Variants in DNAH10 observed in about 807,000 individuals in gnomAD.
DNAH10 encodes axonemal beta dynein heavy chain 10.
Under a neutral mutation model 506.6 loss-of-function variants are expected in DNAH10, and 348 were observed. That is an observed-to-expected ratio of 0.69 (90% CI 0.63 to 0.75). The LOEUF (loss-of-function observed/expected upper bound fraction) is 0.75. Among genes scored for constraint, DNAH10 ranks in the 30% least tolerant of loss-of-function variants. DNAH10 has a pLI of 0.00. For missense variants in DNAH10, 5,179 were observed against 5,787.1 expected (o/e 0.89, Z 3.41); for synonymous variants, 2,059 against 2,198.6 (o/e 0.94, Z 1.78).
chr12:123,861,159 G>C lies in DNAH10; in HGVS notation c.6897G>C (p.Lys2299Asn). ...IFREINKPTD[K>N]KERKYILFDG... ...GGGAAATCAACAAGCCAACAGACAA[G>C]AAGGAGCGAAAGTGAGTATCTTTGT... The change falls in exon 39 of 79, where the codon AAG becomes AAC. Residue 2299 changes from lysine to asparagine, a missense_variant. Physicochemically the swap from Lys to Asn is moderately conservative, Grantham distance 94. Transcript: ENST00000673944. The C allele has an allele frequency of 6.2e-7, 1 of 1,613,888 alleles. No homozygotes were observed. Among genetic ancestry groups the C allele is most frequent in the Non-Finnish European group, 8.5e-7 (1 of 1,179,872 alleles).
chr12:123,827,407 T>C (rs1316570209), intron 25 of DNAH10, among the ~76,000 whole-genome samples: 2 of 152,244 alleles, frequency 1.3e-5, no homozygotes, highest in Non-Finnish European at 2.9e-5. Context: ...GTGCAATGTG[T>C]ATTTTATATC....
At position 123,926,925 on chromosome 12, in the gene DNAH10, A is replaced by C; in HGVS notation, c.12105+105A>C. 1 of 1,266,934 alleles carries C rather than the reference A, an allele frequency of 7.9e-7. No individual in the cohort carries two copies. Among genetic ancestry groups the C allele is most frequent in the South Asian group, 1.4e-5 (1 of 72,432 alleles). The allele number at this position is 1,266,934 out of a possible 1,614,324, so 78.5% of individuals were successfully genotyped here. ...TAAGCTGAGTGCCACGCCACAAATC[A>C]GTTGGATGCATTTCCGAGCTAAGAA... On this transcript the variant is annotated intron_variant, in intron 69 of 78. Coordinates refer to ENST00000673944, the MANE Select transcript of DNAH10 (RefSeq NM_001372106.1). This position sits in a 1 kb window ranked among gnomAD's most constrained non-coding sequence, Gnocchi z 4.1.
Position 123,907,457 on chromosome 12 carries a change from C to G in DNAH10, c.9816-1804C>G, listed in dbSNP as rs79664523. Among the ~76,000 whole-genome samples, 2,714 of 152,282 alleles carry G rather than the reference C, an allele frequency of 0.018. 82 individuals are homozygous for G. The highest frequency in any genetic ancestry group is 0.061 in the African/African-American group (2,533 of 41,524). ...TCCCTTTCTCTTGACTTGCACCCTC[C>G]ACATTTCACACACCTTGGTCATCCG... On this transcript the variant is annotated intron_variant, in intron 57 of 78. Transcript: ENST00000673944. This position sits in a 1 kb window ranked among gnomAD's most constrained non-coding sequence, Gnocchi z 4.4.
intron 1 of DNAH10, among the ~76,000 whole-genome samples, chr12:123,767,315 C>T (rs1183664574): frequency 3.3e-5 from 5 of 152,168 alleles, no homozygotes; most frequent in Non-Finnish European, 7.4e-5. Flanking sequence ...GTGTTGTGCA[C>T]CCAGGAGCCT....
intron 6 of DNAH10, among the ~76,000 whole-genome samples, chr12:123,782,891 T>C (rs190274524): frequency 1.6e-4 from 24 of 152,332 alleles, no homozygotes; most frequent in African/African-American, 4.8e-4. Flanking sequence ...AACTAAATCA[T>C]TTTGATCAAG....
At chr12:123,835,982 A>G (rs1961093505) in intron 28 of DNAH10, among the ~76,000 whole-genome samples, 2 of 152,150 alleles carry the variant, frequency 1.3e-5, no homozygotes, top group South Asian at 4.1e-4. Context: ...TGTCTAGTAA[A>G]AATTCCCATT....
chr12:123,773,157 A>T (rs987375750), intron 4 of DNAH10, among the ~76,000 whole-genome samples: 23 of 152,272 alleles, frequency 1.5e-4, no homozygotes, highest in African/African-American at 5.3e-4. Context: ...AGCCAGTGAT[A>T]GTGCATGTCT....
At chr12:123,912,250 G>C (rs1477380711) in intron 59 of DNAH10, among the ~76,000 whole-genome samples, 1 of 26,108 alleles carries the variant, frequency 3.8e-5, no homozygotes, top group Non-Finnish European at 6.8e-5. Context: ...GTCTGTCCTG[G>C]GGCGGTCTGT....
chr12:123,885,700 A>G (rs1036203806), intron 51 of DNAH10, among the ~76,000 whole-genome samples: 7 of 152,194 alleles, frequency 4.6e-5, no homozygotes, highest in African/African-American at 1.4e-4. Context: ...ACCACAAAGG[A>G]TTATGCTAAT....
Position 123,929,657 on chromosome 12 carries a change from T to C in DNAH10, c.12517-7T>C, listed in dbSNP as rs1427361266. 9 of 1,611,742 alleles carry C rather than the reference T, an allele frequency of 5.6e-6. No homozygotes were observed. The highest frequency in any genetic ancestry group is 7.6e-6 in the Non-Finnish European group (9 of 1,178,894). On this transcript the variant is annotated splice_region_variant and splice_polypyrimidine_tract_variant and intron_variant, in intron 71 of 78. Transcript: ENST00000673944. ...CAGTATAACTGAGCGTGTTCTCTTC[T>C]TTCAAGGTCTGCATGGAAATTCTGA...
chr12:123,914,889 G>A lies in DNAH10; in HGVS notation c.10612G>A (p.Val3538Ile), dbSNP rs199619464. ...GGGCCTTCCCCCCGATGAGCTCTCC[G>A]TTCAGAATGGCATCCTCACCACCCG... ...SQGLPPDELS[V>I]QNGILTTRAS... The change falls in exon 62 of 79, where the codon GTT (valine) becomes ATT (isoleucine). Residue 3538 changes from valine (V) to isoleucine (I), a missense_variant. By Grantham distance (29) the Val-to-Ile change is conservative (BLOSUM62 3). This residue lies in a region of DNAH10 where 4,844 missense variants were observed against 5,430.5 expected (regional missense o/e 0.89). Coordinates refer to ENST00000673944, the MANE Select transcript of DNAH10 (RefSeq NM_001372106.1). The A allele has an allele frequency of 2.3e-4, 369 of 1,613,590 alleles. No individual in the cohort carries two copies. The highest frequency in any genetic ancestry group is 8.4e-4 in the African/African-American group (63 of 75,024).
At chr12:123,883,525 T>G (rs1033743588) in intron 51 of DNAH10, among the ~76,000 whole-genome samples, 6 of 152,226 alleles carry the variant, frequency 3.9e-5, no homozygotes, top group African/African-American at 1.4e-4. Context: ...TCTGACTTCT[T>G]TCACTATTAG....
chr12:123,832,058 G>A (rs1158661609), intron 26 of DNAH10, among the ~76,000 whole-genome samples: 1 of 152,182 alleles, frequency 6.6e-6, no homozygotes, highest in Admixed American at 6.5e-5. Flanking sequence ...GTATATGCAT[G>A]TAGACACATA....
intron 27 of DNAH10, among the ~76,000 whole-genome samples, chr12:123,835,044 G>A (rs1960989051): frequency 6.6e-6 from 1 of 152,200 alleles, no homozygotes; most frequent in Admixed American, 6.5e-5. Context: ...CCTAGGAGCG[G>A]AATTGCTGGG....
At position 123,916,475 on chromosome 12, in the gene DNAH10, C is replaced by T; in HGVS notation, c.10741C>T (p.Pro3581Ser). Residue 3581 changes from proline (P) to serine (S), a missense_variant, in exon 63 of 79, where the codon CCT becomes TCT. By Grantham distance (74) the Pro-to-Ser change is moderately conservative. Coordinates refer to ENST00000673944, the MANE Select transcript of DNAH10 (RefSeq NM_001372106.1). This position sits in a 1 kb window ranked among gnomAD's most constrained non-coding sequence, Gnocchi z 4.6. ...NNLRVASFND[P>S]DFLKQLEMSI... ...CTTCCAGGTCGCTTCCTTTAATGACCCTGACTTCCTCAAGCAGCTAGAGAT... is the reference window on the plus strand; with the variant it reads ...CTTCCAGGTCGCTTCCTTTAATGACTCTGACTTCCTCAAGCAGCTAGAGAT... The T allele has an allele frequency of 5.0e-6, 8 of 1,611,132 alleles. No homozygotes were observed. The highest frequency in any genetic ancestry group is 5.9e-6 in the Non-Finnish European group (7 of 1,178,318).
At chr12:123,929,211 GCA>G (rs1469061993) in intron 70 of DNAH10, 62 bp from the exon 71 acceptor site, 1 of 1,497,438 alleles carries the variant, frequency 6.7e-7, no homozygotes, top group Non-Finnish European at 9.1e-7. Flanking sequence ...CCTGCATTGT[GCA>G]CACTCTTCCA....
At chr12:123,819,407 T>A (rs531802064) in intron 23 of DNAH10, among the ~76,000 whole-genome samples, 157 bp downstream of exon 23, 6 of 150,032 alleles carry the variant, frequency 4.0e-5, no homozygotes, top group Admixed American at 3.3e-4. Context: ...AGTGGTCACA[T>A]TAAAAAAAAA....
At chr12:123,921,703 T>G (rs1164155813) in intron 65 of DNAH10, among the ~76,000 whole-genome samples, 5 of 27,888 alleles carry the variant, frequency 1.8e-4, no homozygotes, top group Admixed American at 5.0e-4. Flanking sequence ...TTTTTTTTTT[T>G]TTTTTTTTTT....
chr12:123,854,520 A>G (rs1434640769), intron 36 of DNAH10, among the ~76,000 whole-genome samples: 2 of 152,302 alleles, frequency 1.3e-5, no homozygotes, highest in South Asian at 2.1e-4. Context: ...CTGCTGCACA[A>G]TCTGGTACTT....
Sources: allele counts gnomAD v4.1 joint callset (sites outside exome capture counted in the v4.1 genomes callset), GRCh38; gene constraint gnomAD v4.1.1; regional missense constraint gnomAD v4.1.1; non-coding constraint Gnocchi (gnomAD v3.1); transcripts MANE v1.5; gene names NCBI Gene and HGNC (gene_info 2026-07-23, HGNC 2026-07-21).